The following KLC3 variants were observed in gnomAD, a reference collection of about 807,000 sequenced individuals.
KLC3 encodes the protein kinesin light chain 3.
A neutral mutation model predicts 62.9 loss-of-function variants in KLC3; 72 were observed. That is an observed-to-expected ratio of 1.15 (90% CI 0.95 to 1.39). The LOEUF (loss-of-function observed/expected upper bound fraction) is 1.39, where lower values mean the gene tolerates loss of function less well. Among genes scored for constraint, KLC3 ranks in the 40% most tolerant of loss-of-function variants. The probability of loss-of-function intolerance (pLI) is 0.00; values close to 1 mark genes in which losing one functional copy is unlikely to be tolerated. For missense variants in KLC3, 848 were observed against 691.6 expected, an observed-to-expected ratio of 1.23 and a Z score of -2.54; for synonymous variants, 377 against 300.5, an observed-to-expected ratio of 1.25 and a Z score of -2.63.
chr19:45,349,594 A>C lies in KLC3; in HGVS notation c.1135A>C (p.Asn379His), dbSNP rs146271778. ...PHDPNVAKTK[N>H]NLASAYLKQN... ...TGACCCCAACGTGGCCAAGACCAAG[A>C]ACAACCTGGTGAGGCCCCTGGGGCT... The change falls in exon 8 of 13, where the codon AAC becomes CAC. Residue 379 changes from asparagine (N) to histidine (H), a missense_variant. Coordinates refer to ENST00000391946, the MANE Select transcript of KLC3 (RefSeq NM_177417.3). The C allele has an allele frequency of 1.0e-3, 1,686 of 1,608,508 alleles. 7 individuals carry two copies. The African/African-American group carries it at 0.016, about 15-fold the overall frequency.
intron 1 of KLC3, chr19:45,345,311 C>A: frequency 1.6e-6 from 1 of 631,006 alleles, no homozygotes; most frequent in Non-Finnish European, 2.8e-6. Context: ...GGAGGACAGA[C>A]GAAGGTAGAC....
chr19:45,349,781 C>CGTAA (rs1207663715), intron 8 of KLC3, 179 bp downstream of exon 8: 25 of 597,730 alleles, frequency 4.2e-5, no homozygotes, highest in African/African-American at 1.3e-4. Context: ...TCAGGAAACG[C>CGTAA]GTAAGTCCAC....
At chr19:45,345,414 A>G in intron 1 of KLC3, 120 bp from the exon 2 acceptor site, 1 of 1,335,936 alleles carries the variant, frequency 7.5e-7, no homozygotes, top group Non-Finnish European at 1.0e-6. Flanking sequence ...TGGGTGGAGC[A>G]GGGAAGAGCC....
At position 45,350,534 on chromosome 19, in the gene KLC3, G is replaced by A. The variant is rs1971688437; in HGVS notation, c.1255G>A (p.Ala419Thr). The change falls in exon 10 of 13, where the codon GCT becomes ACT. Residue 419 changes from alanine to threonine, a missense_variant. Physicochemically the swap from Ala to Thr is moderately conservative, Grantham distance 58. Coordinates refer to ENST00000391946, the MANE Select transcript of KLC3 (RefSeq NM_177417.3). ...CCTAGGTGCCCCCAACACAGGCACA[G>A]CTGGTGACGCAGAACAGGTGAGGAT... The part of the protein sequence containing the change: ...APLGAPNTGT[A>T]GDAEQALRRS... 2 of 1,613,950 alleles carry A rather than the reference G, an allele frequency of 1.2e-6. No individual in the cohort carries two copies. The highest frequency in any genetic ancestry group is 1.3e-5 in the African/African-American group (1 of 74,960).
chr19:45,341,578 T>TGTGC, intron 1 of KLC3, among the ~76,000 whole-genome samples: 43 of 139,902 alleles, frequency 3.1e-4, no homozygotes, highest in African/African-American at 5.9e-4. Context: ...TGTGTGTGTG[T>TGTGC]GCGCGCGCGC....
chr19:45,344,662 TGAG>T (rs1568520936), intron 1 of KLC3, among the ~76,000 whole-genome samples: 2 of 152,112 alleles, frequency 1.3e-5, no homozygotes, highest in Non-Finnish European at 2.9e-5. Flanking sequence ...TGTGTGTATA[TGAG>T]GACCCCAGAG....
intron 11 of KLC3, 69 bp downstream of exon 11, chr19:45,350,816 CCCATCTTGCTCAAGAACCTT>C: frequency 2.2e-6 from 3 of 1,375,104 alleles, no homozygotes; most frequent in Non-Finnish European, 3.0e-6. Context: ...CACCCCCACC[CCCATCTTGCTCAAGAACCTT>C]CCATGGCTCC....
At chr19:45,342,485 C>T (rs935022459) in intron 1 of KLC3, among the ~76,000 whole-genome samples, 4 of 152,018 alleles carry the variant, frequency 2.6e-5, no homozygotes, top group African/African-American at 9.7e-5. Flanking sequence ...GTTGGCTGGG[C>T]GCGGTAGCTC....
chr19:45,348,207 C>G, intron 5 of KLC3, 47 bp downstream of exon 5: 1 of 1,495,244 alleles, frequency 6.7e-7, no homozygotes, highest in African/African-American at 1.4e-5. Context: ...CGGCAGGGAC[C>G]CATTGGGTGC....
In KLC3 at chr19:45,351,481, G is replaced by C; in HGVS notation, c.*124G>C. On this transcript the variant is annotated 3_prime_UTR_variant, in exon 13 of 13. Transcript: ENST00000391946. The stretch of plus-strand genomic sequence containing the variant: ...GCCTCTGGGTACCTGGTGGATAGCT[G>C]CCTTCTCCTGCGATTAAAGGCTGTG... 6.3e-7 allele frequency: 1 copy of C among 1,587,354 alleles called. No individual in the cohort carries two copies. The highest frequency in any genetic ancestry group is 8.5e-7 in the Non-Finnish European group (1 of 1,171,100).
chr19:45,344,507 C>T lies in KLC3; in HGVS notation c.-8-1027C>T, dbSNP rs554658829. ...GTGCTGGCATTACAGGCGTGAGCCA[C>T]TACACCTGGCCCCATGTTGTATTGG... On this transcript the variant is annotated intron_variant, in intron 1 of 12. Transcript: ENST00000391946. Among the ~76,000 whole-genome samples the T allele has an allele frequency of 2.2e-4, 33 of 152,112 alleles. No individual in the cohort carries two copies. The Middle Eastern group carries it at 0.031, about 141-fold the overall frequency.
At chr19:45,351,124 T>C (rs1304128029) in intron 12 of KLC3, 107 bp downstream of exon 12, 4 of 1,605,260 alleles carry the variant, frequency 2.5e-6, no homozygotes, top group Non-Finnish European at 3.4e-6. Flanking sequence ...AGGTGGTGGG[T>C]TGGTGTCAGA....
chr19:45,350,266 A>T, intron 8 of KLC3, 75 bp from the exon 9 acceptor site: 1 of 1,202,184 alleles, frequency 8.3e-7, no homozygotes, highest in Non-Finnish European at 1.2e-6. Context: ...CTACAAAAAA[A>T]AAAAAAAAGG....
At chr19:45,348,236 G>GC (rs1349326888) in intron 5 of KLC3, 76 bp downstream of exon 5, 25 of 1,337,832 alleles carry the variant, frequency 1.9e-5, no homozygotes, top group Admixed American at 1.3e-4. Flanking sequence ...GGATCCTGGT[G>GC]CCCCCTCTGT....
At chr19:45,341,802 T>TGCAG (rs139012889) in intron 1 of KLC3, among the ~76,000 whole-genome samples, 1 of 137,256 alleles carries the variant, frequency 7.3e-6, no homozygotes, top group African/African-American at 2.6e-5. Flanking sequence ...TGTGTGTGTG[T>TGCAG]AGAGAGGAAC....
intron 3 of KLC3, 124 bp downstream of exon 3, chr19:45,346,898 C>T (rs1463157068): frequency 1.1e-6 from 1 of 907,796 alleles, no homozygotes. Flanking sequence ...CCCCCAGACC[C>T]TCCTTAGAAT....
chr19:45,347,894 G>A (rs903522103), intron 4 of KLC3, 47 bp from the exon 5 acceptor site: 7 of 1,476,084 alleles, frequency 4.7e-6, no homozygotes, highest in South Asian at 1.2e-5. Context: ...CGAGGCTGGA[G>A]GGGCAGGAGG....
chr19:45,350,448 T>TAGCCCC lies in KLC3; in HGVS notation c.1234+17_1234+18insAGCCCC. 6.2e-7 allele frequency: 1 copy of TAGCCCC among 1,613,260 alleles called. No individual in the cohort carries two copies. The highest frequency in any genetic ancestry group is 8.5e-7 in the Non-Finnish European group (1 of 1,179,458). On this transcript the variant is annotated intron_variant, in intron 9 of 12. Coordinates refer to ENST00000391946, the MANE Select transcript of KLC3 (RefSeq NM_177417.3). ...CCCCTCTCGGTGAGCCCCTAGCCCCTGTCTGTCTTCCCTCCTGGTGGCTTC... is the reference window on the plus strand; with the variant it reads ...CCCCTCTCGGTGAGCCCCTAGCCCCTAGCCCCGTCTGTCTTCCCTCCTGGTGGCTTC...
intron 2 of KLC3, among the ~76,000 whole-genome samples, chr19:45,346,132 AGTCTGGGT>A (rs2123181947): frequency 6.6e-6 from 1 of 152,262 alleles, no homozygotes; most frequent in Non-Finnish European, 1.5e-5. Context: ...ATTCCACTCC[AGTCTGGGT>A]GACAGAGAGA....
Sources: allele counts gnomAD v4.1 joint callset (sites outside exome capture counted in the v4.1 genomes callset), GRCh38; gene constraint gnomAD v4.1.1; transcripts MANE v1.5; gene names NCBI Gene and HGNC (gene_info 2026-07-23, HGNC 2026-07-21).